The following WDFY2 variants were observed in gnomAD, a reference collection of about 807,000 sequenced individuals.
WDFY2 encodes WD repeat and FYVE domain containing 2, also known as WD repeat and FYVE domain-containing protein 2.
Under a neutral mutation model 56.4 loss-of-function variants are expected in WDFY2, and 36 were observed. That is an observed-to-expected ratio of 0.64 (90% CI 0.49 to 0.84). The LOEUF is 0.84. Among genes scored for constraint, WDFY2 ranks in the 40% least tolerant of loss-of-function variants. The probability of loss-of-function intolerance (pLI) is 0.00; values close to 1 mark genes in which losing one functional copy is unlikely to be tolerated. For synonymous variants in WDFY2, 176 were observed against 183.7 expected (o/e 0.96, Z 0.34); for missense variants, 444 against 512.2 (o/e 0.87, Z 1.29).
rs4113264 is a variant in WDFY2 at position 51,607,073 on chromosome 13, G to T, written c.137+22249G>T. Among the ~76,000 whole-genome samples the T allele has an allele frequency of 5.3e-3, 802 of 152,240 alleles. 9 individuals carry two copies. The highest frequency in any genetic ancestry group is 0.02 in the Middle Eastern group (6 of 294). On this transcript the variant is annotated intron_variant, in intron 1 of 11. Coordinates refer to ENST00000298125, the MANE Select transcript of WDFY2 (RefSeq NM_052950.4). Reference sequence around the variant, plus strand: ...ATAAAAACTCTGTTCCCTAAAATTTGTATGCTTTTCTCCTCTTAGAAACAC... The same window carrying T: ...ATAAAAACTCTGTTCCCTAAAATTTTTATGCTTTTCTCCTCTTAGAAACAC...
rs1953716239 is a variant in WDFY2 at position 51,765,404 on chromosome 13, A to C, written c.*5635A>C. 1 of 152,200 alleles carries C rather than the reference A, an allele frequency of 6.6e-6. No homozygotes were observed. Among genetic ancestry groups the C allele is most frequent in the Non-Finnish European group, 1.5e-5 (1 of 68,020 alleles). The allele number at this position is 152,200 out of a possible 1,614,324, so 9.4% of individuals were successfully genotyped here. ...AGTGTCTAAAAATTAGATCGGTCCT[A>C]AATTGGAATGGGATGTCTTCCTTGC... On this transcript the variant is annotated 3_prime_UTR_variant, in exon 12 of 12. Transcript: ENST00000298125.
chr13:51,653,770 TTG>T (rs760882679), intron 1 of WDFY2, among the ~76,000 whole-genome samples: 9 of 152,190 alleles, frequency 5.9e-5, no homozygotes, highest in Non-Finnish European at 7.3e-5. Context: ...TCTGGAAGTT[TTG>T]TCTCAGAGGA....
intron 1 of WDFY2, among the ~76,000 whole-genome samples, chr13:51,636,899 A>G (rs2138393367): frequency 6.6e-6 from 1 of 152,374 alleles, no homozygotes; most frequent in African/African-American, 2.4e-5. Flanking sequence ...ATGTGAAAAA[A>G]TGATCTTCGA....
intron 1 of WDFY2, among the ~76,000 whole-genome samples, chr13:51,598,121 A>T (rs1448778569): frequency 6.6e-6 from 1 of 152,154 alleles, no homozygotes; most frequent in Admixed American, 6.5e-5. Context: ...GCACTTTGGG[A>T]GGCTGAGGTG....
At chr13:51,706,701 A>G (rs1952089043) in intron 4 of WDFY2, among the ~76,000 whole-genome samples, 1 of 152,244 alleles carries the variant, frequency 6.6e-6, no homozygotes, top group African/African-American at 2.4e-5. Context: ...TCCTTGGCCC[A>G]TAAGACCCCA....
intron 1 of WDFY2, among the ~76,000 whole-genome samples, chr13:51,642,094 A>G (rs1160040639): frequency 2.0e-5 from 3 of 151,978 alleles, no homozygotes; most frequent in Non-Finnish European, 4.4e-5. Flanking sequence ...CTTTCCAGTT[A>G]TCTATATCTT....
rs544885052 is a variant in WDFY2 at position 51,767,519 on chromosome 13, T to G, written c.*7750T>G. The G allele has an allele frequency of 6.6e-6, 1 of 152,302 alleles. No homozygotes were observed. Among genetic ancestry groups the G allele is most frequent in the Non-Finnish European group, 1.5e-5 (1 of 68,092 alleles). The allele number at this position is 152,302 out of a possible 1,614,324, so 9.4% of individuals were successfully genotyped here. ...TTTATTCCACCATGGACACCAAGAA[T>G]GTATGTAGATGTATTCTAAATCTGC... On this transcript the variant is annotated 3_prime_UTR_variant, in exon 12 of 12. Transcript: ENST00000298125.
intron 7 of WDFY2, among the ~76,000 whole-genome samples, chr13:51,745,973 C>CTTTTTTTT (rs59572351): frequency 4.0e-4 from 40 of 100,760 alleles, no homozygotes; most frequent in Non-Finnish European, 6.5e-4. Context: ...TTTTCTTTTT[C>CTTTTTTTT]TTTTTTTTTT....
In WDFY2 at chr13:51,747,453, C is replaced by T. The variant is rs17075920; in HGVS notation, c.726-3857C>T. Among the ~76,000 whole-genome samples, 225 of 152,332 alleles carry T rather than the reference C, an allele frequency of 1.5e-3. 4 individuals are homozygous for T. In the East Asian group the frequency reaches 0.025, roughly 17 times the overall value. On this transcript the variant is annotated intron_variant, in intron 7 of 11. Transcript: ENST00000298125. ...CATAGAGCAGGCTGAGGATCTCTTC[C>T]GATCTGACAGTTATTCCCATTTACT...
intron 1 of WDFY2, among the ~76,000 whole-genome samples, chr13:51,631,717 G>A (rs1038400882): frequency 3.3e-5 from 5 of 152,018 alleles, no homozygotes; most frequent in South Asian, 2.1e-4. Flanking sequence ...TTATTTAGAC[G>A]AGGATCTTGC....
In WDFY2 at chr13:51,758,217, G is replaced by T; in HGVS notation, c.1090G>T (p.Asp364Tyr). 6.3e-7 allele frequency: 1 copy of T among 1,588,128 alleles called. No homozygotes were observed. Among genetic ancestry groups the T allele is most frequent in the South Asian group, 1.1e-5 (1 of 88,388 alleles). Residue 364 changes from aspartate to tyrosine, a missense_variant, in exon 11 of 12, where the codon GAC (aspartate) becomes TAC (tyrosine). Asp to Tyr is a radical substitution (Grantham distance 160). Coordinates refer to ENST00000298125, the MANE Select transcript of WDFY2 (RefSeq NM_052950.4). ...ACGTGCACCCACAGCCACCTTCCATGACAGTAAACATAACATTGTGCATGT... is the reference window on the plus strand; with the variant it reads ...ACGTGCACCCACAGCCACCTTCCATTACAGTAAACATAACATTGTGCATGT... Reference protein sequence around the residue: ...EERAPTATFHDSKHNIVHVHF... With the variant: ...EERAPTATFHYSKHNIVHVHF...
chr13:51,659,269 G>A (rs1351128681), intron 1 of WDFY2, among the ~76,000 whole-genome samples: 1 of 152,144 alleles, frequency 6.6e-6, no homozygotes, highest in Non-Finnish European at 1.5e-5. Context: ...GAGTGGGGCA[G>A]GTGGCAGATA....
intron 5 of WDFY2, among the ~76,000 whole-genome samples, chr13:51,726,192 G>A (rs546068880): frequency 6.6e-6 from 1 of 152,238 alleles, no homozygotes; most frequent in South Asian, 2.1e-4. Flanking sequence ...TTACACAAAG[G>A]TAGTATAGCT....
chr13:51,694,308 T>G (rs1462779110), intron 3 of WDFY2, among the ~76,000 whole-genome samples: 1 of 152,224 alleles, frequency 6.6e-6, no homozygotes, highest in Non-Finnish European at 1.5e-5. Flanking sequence ...GCATGATTTT[T>G]CAGTGGCTGG....
chr13:51,713,040 T>C (rs1282514267), intron 4 of WDFY2, among the ~76,000 whole-genome samples: 1 of 152,184 alleles, frequency 6.6e-6, no homozygotes, highest in Non-Finnish European at 1.5e-5. Flanking sequence ...GTGAATTTTA[T>C]GAAAAATTCA....
At chr13:51,710,442 A>G (rs1006504477) in intron 4 of WDFY2, among the ~76,000 whole-genome samples, 2 of 151,962 alleles carry the variant, frequency 1.3e-5, no homozygotes, top group Non-Finnish European at 2.9e-5. Flanking sequence ...GGCCAGGGCA[A>G]TGAGGCAGGA....
At chr13:51,643,362 C>T (rs1431607946) in intron 1 of WDFY2, among the ~76,000 whole-genome samples, 1 of 152,186 alleles carries the variant, frequency 6.6e-6, no homozygotes, top group Non-Finnish European at 1.5e-5. Flanking sequence ...ACTGCTCTTT[C>T]CATTTACTGT....
intron 1 of WDFY2, among the ~76,000 whole-genome samples, chr13:51,624,876 AGT>A (rs766149740): frequency 9.2e-5 from 14 of 152,222 alleles, no homozygotes; most frequent in African/African-American, 3.4e-4. Flanking sequence ...TCAGCAGGCC[AGT>A]GTGTCTGGGA....
At chr13:51,681,724 G>T (rs1397069232) in intron 3 of WDFY2, among the ~76,000 whole-genome samples, 1 of 152,124 alleles carries the variant, frequency 6.6e-6, no homozygotes, top group East Asian at 1.9e-4. Context: ...TACTATAGGT[G>T]TGGAGCTATG....
Sources: allele counts gnomAD v4.1 joint callset (sites outside exome capture counted in the v4.1 genomes callset), GRCh38; gene constraint gnomAD v4.1.1; transcripts MANE v1.5; gene names NCBI Gene and HGNC (gene_info 2026-07-23, HGNC 2026-07-21).